Variants in MFSD11 observed in about 807,000 individuals in gnomAD.
The protein encoded by MFSD11 is UNC93-like protein MFSD11.
A neutral mutation model predicts 53.5 loss-of-function variants in MFSD11; 36 were observed. The observed-to-expected ratio is 0.67, with a 90% CI of 0.52 to 0.89. The LOEUF is 0.89. Ranked by LOEUF, MFSD11 falls within the 40% of genes least tolerant of loss-of-function variation. MFSD11 has a pLI of 0.00. For missense variants in MFSD11, 530 were observed against 543.9 expected (o/e 0.97, Z 0.25); for synonymous variants, 186 against 184.9 (o/e 1.01, Z -0.05).
intron 9 of MFSD11, 132 bp from the exon 10 acceptor site, chr17:76,769,614 A>G: frequency 1.6e-6 from 1 of 627,086 alleles, no homozygotes; most frequent in East Asian, 3.0e-5. Context: ...CTGCTTGGGG[A>G]TTAATATTTC....
intron 7 of MFSD11, among the ~76,000 whole-genome samples, chr17:76,751,126 C>T (rs2079016585): frequency 6.6e-6 from 1 of 151,406 alleles, no homozygotes; most frequent in Non-Finnish European, 1.5e-5. Context: ...TGCAGTGGCT[C>T]ACACCTGTAA....
At chr17:76,763,132 G>C (rs1401533948) in intron 8 of MFSD11, among the ~76,000 whole-genome samples, 1 of 152,184 alleles carries the variant, frequency 6.6e-6, no homozygotes, top group Admixed American at 6.5e-5. Context: ...TGGTGGAATT[G>C]CTGGGTCATG....
At chr17:76,756,875 A>G (rs965960521) in intron 8 of MFSD11, among the ~76,000 whole-genome samples, 1 of 152,104 alleles carries the variant, frequency 6.6e-6, no homozygotes, top group Non-Finnish European at 1.5e-5. Flanking sequence ...AAAAAAAAAA[A>G]AAGAATACCC....
downstream of MFSD11, among the ~76,000 whole-genome samples, chr17:76,779,960 G>A (rs145982722): frequency 4.7e-4 from 71 of 152,276 alleles, no homozygotes; most frequent in African/African-American, 1.5e-3. Context: ...GTGTCACACC[G>A]TCATTTATGT....
chr17:76,790,333 A>G, the MFSD11 span, among the ~76,000 whole-genome samples: 1 of 117,316 alleles, frequency 8.5e-6, no homozygotes, highest in African/African-American at 3.4e-5. Context: ...CCTCGGCCTC[A>G]TATTTCTTTC....
At chr17:76,788,799 CT>C in the MFSD11 span, among the ~76,000 whole-genome samples, 4 of 148,774 alleles carry the variant, frequency 2.7e-5, no homozygotes, top group Admixed American at 2.7e-4. Context: ...TGCACCACTG[CT>C]CTCCAGCCTG....
the MFSD11 span, among the ~76,000 whole-genome samples, chr17:76,799,900 T>A: frequency 6.6e-6 from 1 of 152,078 alleles, no homozygotes. Context: ...CATTTCTTCT[T>A]GCTATTCCAG....
intron 8 of MFSD11, among the ~76,000 whole-genome samples, chr17:76,759,476 A>T (rs2079982105): frequency 6.6e-6 from 1 of 151,348 alleles, no homozygotes; most frequent in African/African-American, 2.4e-5. Flanking sequence ...TTTTTTTGAG[A>T]TGGAGTCTGG....
chr17:76,792,424 G>A, the MFSD11 span, among the ~76,000 whole-genome samples: 11 of 149,454 alleles, frequency 7.4e-5, no homozygotes, highest in South Asian at 6.2e-4. Flanking sequence ...CGGTGTAGGC[G>A]TTCTTTTATT....
At position 76,776,644 on chromosome 17, in the gene MFSD11, T is replaced by C. The variant is rs936303797; in HGVS notation, c.1185+103T>C. 7 of 1,123,702 alleles carry C rather than the reference T, an allele frequency of 6.2e-6. No individual in the cohort carries two copies. In the Admixed American group the frequency reaches 1.7e-4, roughly 27 times the overall value. The allele number at this position is 1,123,702 out of a possible 1,614,324, so 69.6% of individuals were successfully genotyped here. On this transcript the variant is annotated intron_variant, in intron 12 of 12. Transcript: ENST00000685175. The surrounding 1 kb of genome is among the most constrained non-coding windows in gnomAD (Gnocchi z 4.2). ...GTATTGTGGTTTTAATTTTTATTTATTTATTTTTATTTTTTTGATAGAGTC... is the reference window on the plus strand; with the variant it reads ...GTATTGTGGTTTTAATTTTTATTTACTTATTTTTATTTTTTTGATAGAGTC...
intron 8 of MFSD11, among the ~76,000 whole-genome samples, chr17:76,754,504 G>A (rs181747614): frequency 3.6e-4 from 55 of 152,090 alleles, no homozygotes; most frequent in African/African-American, 1.1e-3. Context: ...CCAACATGGC[G>A]AAACCTCTTC....
At chr17:76,769,995 G>C in intron 10 of MFSD11, 124 bp downstream of exon 10, 1 of 857,214 alleles carries the variant, frequency 1.2e-6, no homozygotes, top group Non-Finnish European at 1.8e-6. Context: ...TTACCCAAAC[G>C]TGTGTTTTTA....
At chr17:76,760,150 C>T (rs1176410749) in intron 8 of MFSD11, among the ~76,000 whole-genome samples, 1 of 151,174 alleles carries the variant, frequency 6.6e-6, no homozygotes, top group Non-Finnish European at 1.5e-5. Context: ...CGCCTATAAT[C>T]CCAGCTCCTC....
Position 76,761,001 on chromosome 17 carries a change from C to T in MFSD11, c.683-6385C>T, listed in dbSNP as rs572030189. ...TGGGCGGATCATGAGGTCAGGAGTT[C>T]GAGACCAGCCTAGCCAACATGGCAA... On this transcript the variant is annotated intron_variant, in intron 8 of 12. Transcript: ENST00000685175. 9.2e-5 allele frequency among the ~76,000 whole-genome samples: 14 copies of T among 152,044 alleles called. No individual in the cohort carries two copies. The East Asian group carries it at 2.3e-3, about 25-fold the overall frequency.
intron 7 of MFSD11, among the ~76,000 whole-genome samples, chr17:76,749,495 A>G (rs1027749266): frequency 8.0e-5 from 12 of 150,362 alleles, no homozygotes; most frequent in Non-Finnish European, 1.5e-4. Context: ...TCACACCACC[A>G]CACTCCAGCC....
upstream of MFSD11, chr17:76,737,245 T>C (rs900170046): frequency 1.4e-5 from 21 of 1,452,882 alleles, no homozygotes; most frequent in African/African-American, 2.0e-4. Flanking sequence ...TCTCAGGCAG[T>C]TGCCTTCCGC....
At chr17:76,778,009 A>T (rs1044452495) in intron 12 of MFSD11, among the ~76,000 whole-genome samples, 179 bp from the exon 13 acceptor site, 2 of 152,010 alleles carry the variant, frequency 1.3e-5, no homozygotes, top group African/African-American at 4.8e-5. Context: ...CTGTGGCAGG[A>T]GTTTATGGTG....
upstream of MFSD11, chr17:76,737,432 C>T: frequency 2.6e-6 from 1 of 385,790 alleles, no homozygotes; most frequent in South Asian, 5.8e-5. Context: ...CCGCGCCCCG[C>T]TTCGTAACGA....
Position 76,776,300 on chromosome 17 carries a change from G to A in MFSD11, c.1050-106G>A. The A allele has an allele frequency of 8.2e-7, 1 of 1,219,994 alleles. No individual in the cohort carries two copies. The highest frequency in any genetic ancestry group is 1.1e-6 in the Non-Finnish European group (1 of 876,922). 75.6% of individuals were successfully genotyped at this position (1,219,994 alleles called of 1,614,324 possible). ...GCTTTGTCTTTATTTTTGTTTCATA[G>A]TGTTTACAACTTGCAGGTAGAATTC... is the stretch of plus-strand genomic sequence containing the variant. On this transcript the variant is annotated intron_variant, in intron 11 of 12. Coordinates refer to ENST00000685175, the MANE Select transcript of MFSD11 (RefSeq NM_001242532.5). The surrounding 1 kb of genome is among the most constrained non-coding windows in gnomAD (Gnocchi z 4.2).
Sources: gnomAD v4.1 joint callset for allele counts (sites outside exome capture counted in the v4.1 genomes callset) on GRCh38, gnomAD v4.1.1 for gene constraint, Gnocchi (gnomAD v3.1) non-coding constraint, MANE v1.5 for transcripts, NCBI Gene and HGNC (gene_info 2026-07-23, HGNC 2026-07-21) for gene names.